Variants in YAP1 observed in about 807,000 individuals in gnomAD.
YAP1 encodes the protein transcriptional coactivator YAP1.
In YAP1, 5 loss-of-function variants were observed where a neutral mutation model predicts 56.9. The ratio of observed to expected loss-of-function variants is 0.09; its 90% CI spans 0.05 to 0.18. The LOEUF is 0.18. YAP1 is among the 10% of genes least tolerant of loss of function. The pLI is 1.00. For synonymous variants in YAP1, 265 were observed against 248.1 expected (o/e 1.07, Z -0.64); for missense variants, 539 against 651.8 (o/e 0.83, Z 1.88).
At chr11:102,221,921 T>A (rs1949953487) in intron 6 of YAP1, among the ~76,000 whole-genome samples, 1 of 152,138 alleles carries the variant, frequency 6.6e-6, no homozygotes, top group Non-Finnish European at 1.5e-5. Flanking sequence ...GAGAAAATGT[T>A]GACAAATTTA....
At chr11:102,194,196 A>G (rs1418195780) in intron 4 of YAP1, among the ~76,000 whole-genome samples, 1 of 152,226 alleles carries the variant, frequency 6.6e-6, no homozygotes, top group African/African-American at 2.4e-5. Context: ...GGAAAAGAGG[A>G]ACCATTTGGT....
rs140351284 is a variant in YAP1 at position 102,196,573 on chromosome 11, G to A, written c.803-9320G>A. ...CAGGGACTGGGAGGAAGGGCAGTAG[G>A]TAGTGAACTGCTAATGGATACAGGG... On this transcript the variant is annotated intron_variant, in intron 4 of 8. Coordinates refer to ENST00000282441, the MANE Select transcript of YAP1 (RefSeq NM_001130145.3). Among the ~76,000 whole-genome samples the A allele has an allele frequency of 1.7e-3, 262 of 151,934 alleles. 1 individual carries two copies. The highest frequency in any genetic ancestry group is 6.0e-3 in the African/African-American group (247 of 41,472).
intron 4 of YAP1, among the ~76,000 whole-genome samples, chr11:102,199,577 C>G (rs1297912553): frequency 6.6e-6 from 1 of 152,144 alleles, no homozygotes; most frequent in Non-Finnish European, 1.5e-5. Context: ...TTTGAACAAG[C>G]TGGAGCAGTA....
At chr11:102,176,393 G>A (rs1947249138) in intron 3 of YAP1, among the ~76,000 whole-genome samples, 1 of 152,040 alleles carries the variant, frequency 6.6e-6, no homozygotes, top group Non-Finnish European at 1.5e-5. Flanking sequence ...TTATAGGTGG[G>A]GAAGAGTCTT....
At chr11:102,132,313 G>A (rs1005411230) in intron 2 of YAP1, among the ~76,000 whole-genome samples, 1 of 152,190 alleles carries the variant, frequency 6.6e-6, no homozygotes, top group Non-Finnish European at 1.5e-5. Flanking sequence ...TAAAACCAAA[G>A]GTCTTTTCCC....
At chr11:102,201,513 A>G (rs1039476250) in intron 4 of YAP1, among the ~76,000 whole-genome samples, 1 of 152,226 alleles carries the variant, frequency 6.6e-6, no homozygotes, top group Non-Finnish European at 1.5e-5. Flanking sequence ...ATAGAAGAAT[A>G]ATTTCAGGTG....
intron 4 of YAP1, among the ~76,000 whole-genome samples, chr11:102,193,336 T>G (rs1948396320): frequency 6.6e-6 from 1 of 152,090 alleles, no homozygotes; most frequent in South Asian, 2.1e-4. Context: ...AATTTTATGT[T>G]AAATTCAGTA....
chr11:102,214,210 T>C (rs1053262013), intron 6 of YAP1, among the ~76,000 whole-genome samples: 14 of 152,216 alleles, frequency 9.2e-5, no homozygotes, highest in Non-Finnish European at 1.5e-5. Context: ...GTTACTTTCA[T>C]TTCTGGGCAA....
At chr11:102,204,782 TGTATG>T (rs1262213577) in intron 4 of YAP1, among the ~76,000 whole-genome samples, 2 of 152,210 alleles carry the variant, frequency 1.3e-5, no homozygotes, top group African/African-American at 2.4e-5. Flanking sequence ...TTAATATCCT[TGTATG>T]GTATCAAGGT....
At chr11:102,206,119 G>A (rs1949109759) in intron 5 of YAP1, 45 bp downstream of exon 5, 1 of 1,572,502 alleles carries the variant, frequency 6.4e-7, no homozygotes, top group African/African-American at 1.4e-5. Flanking sequence ...TTGGGGGTTT[G>A]TTTTCTTAAA....
intron 3 of YAP1, among the ~76,000 whole-genome samples, chr11:102,164,034 A>ATTTTTTTTTTTTTTTTTTTTTTTT (rs570625635): frequency 7.0e-6 from 1 of 142,892 alleles, no homozygotes. Flanking sequence ...TTAAGTAAAA[A>ATTTTTTTTTTTTTTTTTTTTTTTT]TTTTTTTTTT....
chr11:102,215,844 G>A (rs981802576), intron 6 of YAP1, among the ~76,000 whole-genome samples: 2 of 152,152 alleles, frequency 1.3e-5, no homozygotes, highest in African/African-American at 4.8e-5. Context: ...AGATAAAATA[G>A]TGTTGCTATT....
chr11:102,151,021 A>G (rs7123862), intron 2 of YAP1, among the ~76,000 whole-genome samples: 77,119 of 151,366 alleles, frequency 0.51, 21,469 homozygotes, highest in South Asian at 0.7. Context: ...GGCTGGTCTC[A>G]AATGCCTGAC....
intron 2 of YAP1, among the ~76,000 whole-genome samples, chr11:102,116,068 T>C (rs1190434558): frequency 2.4e-4 from 37 of 152,224 alleles, no homozygotes; most frequent in Admixed American, 2.4e-3. Flanking sequence ...TTTGAATGAA[T>C]GATCTTTTTT....
rs1169688090 is a variant in YAP1, at chr11:102,232,139, G to T, written c.*2199G>T. The T allele has an allele frequency of 6.6e-6, 1 of 152,128 alleles. No homozygotes were observed. Among genetic ancestry groups the T allele is most frequent in the East Asian group, 1.9e-4 (1 of 5,196 alleles). 9.4% of individuals were successfully genotyped at this position (152,128 alleles called of 1,614,324 possible). ...ATTGGGTATATGAATTACATAGCAT[G>T]TTGTTGGGATTTTTTTTAATGTGCA... On this transcript the variant is annotated 3_prime_UTR_variant, in exon 9 of 9. Transcript: ENST00000282441.
intron 4 of YAP1, among the ~76,000 whole-genome samples, chr11:102,193,558 T>C (rs1948410404): frequency 1.3e-5 from 2 of 152,212 alleles, no homozygotes; most frequent in Admixed American, 1.3e-4. Flanking sequence ...TAACCAAGGC[T>C]GAGTAGACAT....
At chr11:102,154,993 G>A (rs1028914568) in intron 2 of YAP1, among the ~76,000 whole-genome samples, 2 of 152,142 alleles carry the variant, frequency 1.3e-5, no homozygotes, top group African/African-American at 4.8e-5. Flanking sequence ...CAACACAGTA[G>A]GCAGTCAATA....
chr11:102,215,349 C>T (rs527401004), intron 6 of YAP1, among the ~76,000 whole-genome samples: 1 of 152,208 alleles, frequency 6.6e-6, no homozygotes, highest in African/African-American at 2.4e-5. Context: ...GCAAAAACCC[C>T]TTGCTCCTGT....
chr11:102,129,364 T>A (rs1944236666), intron 2 of YAP1, among the ~76,000 whole-genome samples: 1 of 152,150 alleles, frequency 6.6e-6, no homozygotes, highest in Admixed American at 6.5e-5. Context: ...CTCTCGCCTG[T>A]AATCCCAGCA....
Sources: allele counts gnomAD v4.1 joint callset (sites outside exome capture counted in the v4.1 genomes callset), GRCh38; gene constraint gnomAD v4.1.1; transcripts MANE v1.5; gene names NCBI Gene and HGNC (gene_info 2026-07-23, HGNC 2026-07-21).